PTP4A1: variants seen among roughly 807,000 people sequenced by gnomAD.
PTP4A1 encodes protein tyrosine phosphatase type IVA 1.
PTP4A1 carries 9 observed loss-of-function variants against 20.5 expected under a neutral mutation model. The ratio of observed to expected loss-of-function variants is 0.44; its 90% confidence interval spans 0.26 to 0.77. The LOEUF (loss-of-function observed/expected upper bound fraction) is 0.77. Among genes scored for constraint, PTP4A1 ranks in the 30% least tolerant of loss-of-function variants. The pLI is 0.19. For synonymous variants in PTP4A1, 78 were observed against 67.4 expected, an observed-to-expected ratio of 1.16 and a Z score of -0.77; for missense variants, 137 against 218.8, an observed-to-expected ratio of 0.63 and a Z score of 2.36.
intron 1 of PTP4A1, among the ~76,000 whole-genome samples, chr6:63,524,647 C>T (rs1199704464): frequency 1.3e-5 from 2 of 152,084 alleles, no homozygotes; most frequent in Non-Finnish European, 2.9e-5. Flanking sequence ...TACTGAATGA[C>T]TCTGAGCTTC....
chr6:63,523,172 C>G (rs1467469132), intron 1 of PTP4A1, among the ~76,000 whole-genome samples: 1 of 152,020 alleles, frequency 6.6e-6, no homozygotes, highest in Non-Finnish European at 1.5e-5. Context: ...AGCCGAATCA[C>G]TCTTTTATTT....
At chr6:63,532,700 A>G (rs1001134189) in intron 2 of PTP4A1, among the ~76,000 whole-genome samples, 12 of 152,194 alleles carry the variant, frequency 7.9e-5, no homozygotes, top group Non-Finnish European at 1.0e-4. Flanking sequence ...AAAATCAATC[A>G]TATTATAACT....
chr6:63,562,717 T>TGA (rs1561909957), intron 3 of PTP4A1, among the ~76,000 whole-genome samples: 1 of 152,188 alleles, frequency 6.6e-6, no homozygotes, highest in Non-Finnish European at 1.5e-5. Flanking sequence ...TATCAAGAGT[T>TGA]TAATTGTTCT....
chr6:63,554,672 A>T (rs968569221), intron 3 of PTP4A1, among the ~76,000 whole-genome samples: 7 of 152,136 alleles, frequency 4.6e-5, no homozygotes, highest in Admixed American at 6.6e-5. Context: ...ATGTAGTCCC[A>T]GCTACTGGAG....
Position 63,582,084 on chromosome 6 carries a change from C to T in PTP4A1, c.*1910C>T, listed in dbSNP as rs906054274. ...TTAATATATTTCATTGGATTTTAGACAGGGCAAAAGGAAGAACAGGGGCCT... is the reference window on the plus strand; with the variant it reads ...TTAATATATTTCATTGGATTTTAGATAGGGCAAAAGGAAGAACAGGGGCCT... On this transcript the variant is annotated 3_prime_UTR_variant, in exon 6 of 6. Coordinates refer to ENST00000626021, the MANE Select transcript of PTP4A1 (RefSeq NM_003463.5). 2 of 152,020 alleles carry T rather than the reference C, an allele frequency of 1.3e-5. No individual in the cohort carries two copies. The highest frequency in any genetic ancestry group is 4.8e-5 in the African/African-American group (2 of 41,410). 9.4% of individuals were successfully genotyped at this position (152,020 alleles called of 1,614,324 possible). A position where few individuals can be genotyped will look rare whatever the true frequency, so the allele number is the denominator to read the frequency against.
chr6:63,578,778 G>T, intron 3 of PTP4A1, 120 bp from the exon 4 acceptor site: 2 of 1,167,590 alleles, frequency 1.7e-6, no homozygotes, highest in Non-Finnish European at 2.3e-6. Context: ...GGTTTAATAA[G>T]ATTTGATTAA....
chr6:63,551,303 T>A (rs562240874), intron 3 of PTP4A1, among the ~76,000 whole-genome samples: 12 of 152,220 alleles, frequency 7.9e-5, no homozygotes, highest in South Asian at 6.2e-4. Context: ...TGACCTCAGG[T>A]GATCTGCCTG....
Position 63,576,595 on chromosome 6 carries a change from A to T in PTP4A1, c.-286A>T, listed in dbSNP as rs778039611. 9 of 477,090 alleles carry T rather than the reference A, an allele frequency of 1.9e-5. No individual in the cohort carries two copies. Among genetic ancestry groups the T allele is most frequent in the Non-Finnish European group, 2.9e-5 (8 of 272,516 alleles). The allele number at this position is 477,090 out of a possible 1,614,324, so 29.6% of individuals were successfully genotyped here. A position where few individuals can be genotyped will look rare whatever the true frequency, so the allele number is the denominator to read the frequency against. ...ATAAGAGTGGTTATCCTGGACACAG[A>T]AGTGTTGAATTGAAATCCACAGAGC... On this transcript the variant is annotated 5_prime_UTR_variant, in exon 2 of 6. Transcript: ENST00000626021.
intron 1 of PTP4A1, among the ~76,000 whole-genome samples, chr6:63,524,477 T>A (rs1775075713): frequency 6.6e-6 from 1 of 152,194 alleles, no homozygotes. Context: ...AAGTGAGAAC[T>A]TCAAGGTAGT....
At chr6:63,568,729 A>G (rs1474983374), upstream of PTP4A1, among the ~76,000 whole-genome samples, 1 of 152,200 alleles carries the variant, frequency 6.6e-6, no homozygotes, top group Non-Finnish European at 1.5e-5. Context: ...TTTATTTTTA[A>G]TAATCATATA....
At chr6:63,518,579 A>G (rs1774813844), upstream of PTP4A1, among the ~76,000 whole-genome samples, 2 of 152,188 alleles carry the variant, frequency 1.3e-5, no homozygotes, top group Non-Finnish European at 2.9e-5. Context: ...TTACAGAAAA[A>G]GAAATGTAAT....
intron 2 of PTP4A1, among the ~76,000 whole-genome samples, chr6:63,531,699 C>T (rs1775474002): frequency 6.6e-6 from 1 of 151,784 alleles, no homozygotes; most frequent in African/African-American, 2.4e-5. Context: ...ACCATGTTGC[C>T]CAGGCTGGTC....
In PTP4A1 at chr6:63,560,586, T is replaced by C. The variant is rs561023806; in HGVS notation, c.-446+10093T>C. The stretch of plus-strand genomic sequence containing the variant: ...CACTAATCTGTGTATTTTTTTTAAG[T>C]AAAGATGGGTTTTCGCCATGTTGGC... On this transcript the variant is annotated intron_variant, in intron 3 of 3. Coordinates refer to the PTP4A1 transcript ENST00000639568. Among the ~76,000 whole-genome samples the C allele has an allele frequency of 2.3e-3, 349 of 151,856 alleles. 2 individuals are homozygous for C. The highest frequency in any genetic ancestry group is 8.0e-3 in the African/African-American group (331 of 41,442).
chr6:63,532,968 G>A (rs1197496644), intron 2 of PTP4A1, among the ~76,000 whole-genome samples: 2 of 152,210 alleles, frequency 1.3e-5, no homozygotes, highest in Admixed American at 6.5e-5. Context: ...TATGGCATGG[G>A]AAGGAGGGGT....
chr6:63,563,068 G>C (rs1777034463), intron 3 of PTP4A1, among the ~76,000 whole-genome samples: 1 of 152,108 alleles, frequency 6.6e-6, no homozygotes, highest in African/African-American at 2.4e-5. Context: ...TGCCTCCACT[G>C]TCCTGATCAT....
chr6:63,578,620 T>C, intron 3 of PTP4A1, 91 bp downstream of exon 3: 1 of 1,472,528 alleles, frequency 6.8e-7, no homozygotes, highest in Non-Finnish European at 9.0e-7. Context: ...ATTTAAGTCA[T>C]AAATAGACCT....
chr6:63,519,896 A>G (rs1774860595), upstream of PTP4A1, among the ~76,000 whole-genome samples: 1 of 152,248 alleles, frequency 6.6e-6, no homozygotes, highest in Non-Finnish European at 1.5e-5. Flanking sequence ...TGCTACCACC[A>G]TACTTTATTT....
chr6:63,527,472 A>G (rs1165145562), intron 1 of PTP4A1, among the ~76,000 whole-genome samples: 2 of 152,142 alleles, frequency 1.3e-5, no homozygotes, highest in Admixed American at 1.3e-4. Flanking sequence ...TGTTGTAGAT[A>G]TCTCAAAAGC....
At chr6:63,570,296 G>A (rs1246596205), upstream of PTP4A1, among the ~76,000 whole-genome samples, 1 of 152,168 alleles carries the variant, frequency 6.6e-6, no homozygotes, top group Non-Finnish European at 1.5e-5. Context: ...GCACCACTGT[G>A]CTCCAACCTG....
Sources: gnomAD v4.1 joint callset for allele counts (sites outside exome capture counted in the v4.1 genomes callset) on GRCh38, gnomAD v4.1.1 for gene constraint, MANE v1.5 for transcripts, NCBI Gene and HGNC (gene_info 2026-07-23, HGNC 2026-07-21) for gene names.